Variants in RELN observed in about 807,000 individuals in gnomAD.
The protein encoded by RELN is reelin.
In RELN, 108 loss-of-function variants were observed where a neutral mutation model predicts 427.6. The ratio of observed to expected loss-of-function variants is 0.25; its 90% CI spans 0.22 to 0.30. The LOEUF (loss-of-function observed/expected upper bound fraction) is 0.30, where lower values mean the gene tolerates loss of function less well. Ranked by LOEUF, RELN falls within the 10% of genes least tolerant of loss-of-function variation. RELN has a pLI of 1.00. For synonymous variants in RELN, 1,524 were observed against 1,513.4 expected (o/e 1.01, Z -0.16); for missense variants, 3,715 against 4,302.8 (o/e 0.86, Z 3.82).
chr7:103,489,848 G>T lies in RELN; in HGVS notation c.9657C>A (p.Ser3219Arg), dbSNP rs1828587974. The T allele has an allele frequency of 6.2e-7, 1 of 1,614,068 alleles. No individual in the cohort carries two copies. The highest frequency in any genetic ancestry group is 1.3e-5 in the African/African-American group (1 of 74,932). Residue 3219 changes from serine (S) to arginine (R), a missense_variant, in exon 60 of 65, where the codon AGC becomes AGA. This residue lies in a region of RELN where 1,310 missense variants were observed against 1,643.0 expected (regional missense o/e 0.80). Transcript: ENST00000428762. ...IQKGEETEKQ[S>R]WAIDHVYIGE... ...CAATGTACACGTGGTCAATTGCCCAGCTTTGCTTCTCAGTTTCTTCTCCCT... is the reference window on the plus strand; with the variant it reads ...CAATGTACACGTGGTCAATTGCCCATCTTTGCTTCTCAGTTTCTTCTCCCT...
chr7:103,841,378 A>G (rs1231249374), intron 2 of RELN, among the ~76,000 whole-genome samples: 1 of 152,200 alleles, frequency 6.6e-6, no homozygotes, highest in Non-Finnish European at 1.5e-5. Flanking sequence ...GACAACAAAT[A>G]TCAAATATTT....
chr7:103,915,292 C>A (rs1795459681), intron 2 of RELN, among the ~76,000 whole-genome samples: 1 of 152,140 alleles, frequency 6.6e-6, no homozygotes, highest in South Asian at 2.1e-4. Flanking sequence ...ACACTTTACT[C>A]AAGACTGGAT....
intron 28 of RELN, among the ~76,000 whole-genome samples, chr7:103,585,531 T>C (rs1435801584): frequency 6.6e-6 from 1 of 152,012 alleles, no homozygotes; most frequent in Non-Finnish European, 1.5e-5. Flanking sequence ...AACATGCCAA[T>C]AATAAGTAAT....
chr7:103,894,928 C>A (rs186182120), intron 2 of RELN, among the ~76,000 whole-genome samples: 1 of 152,126 alleles, frequency 6.6e-6, no homozygotes, highest in African/African-American at 2.4e-5. Context: ...CAAAATCATA[C>A]ACTTACCCTG....
intron 46 of RELN, among the ~76,000 whole-genome samples, chr7:103,532,072 A>G (rs1383667021): frequency 6.6e-6 from 1 of 152,244 alleles, no homozygotes; most frequent in Non-Finnish European, 1.5e-5. Flanking sequence ...TGGATAAAGA[A>G]AATGTGGTAC....
intron 1 of RELN, among the ~76,000 whole-genome samples, chr7:103,964,975 T>G (rs1218190757): frequency 4.6e-5 from 7 of 152,220 alleles, no homozygotes; most frequent in Admixed American, 3.9e-4. Flanking sequence ...ATAAGGATAA[T>G]AATGCTACCT....
intron 20 of RELN, among the ~76,000 whole-genome samples, chr7:103,615,376 C>T (rs191410928): frequency 2.0e-5 from 3 of 152,294 alleles, no homozygotes; most frequent in Admixed American, 2.0e-4. Flanking sequence ...TTGCCTCGCC[C>T]TCCTTTCTTA....
At chr7:103,653,812 GC>G (rs1243103225) in intron 13 of RELN, among the ~76,000 whole-genome samples, 1 of 152,012 alleles carries the variant, frequency 6.6e-6, no homozygotes, top group Non-Finnish European at 1.5e-5. Context: ...TACATTTAGG[GC>G]TTTCTTGGGG....
chr7:103,967,585 C>T (rs1434685773), intron 1 of RELN, among the ~76,000 whole-genome samples: 1 of 152,150 alleles, frequency 6.6e-6, no homozygotes, highest in Admixed American at 6.5e-5. Context: ...TCAGTGGCTC[C>T]CTGCTGCCCA....
intron 2 of RELN, among the ~76,000 whole-genome samples, chr7:103,867,255 C>A (rs1297032730): frequency 6.6e-6 from 1 of 151,906 alleles, no homozygotes; most frequent in Admixed American, 6.6e-5. Context: ...AACCGTGAAA[C>A]AGTACCTTCA....
At chr7:103,975,998 T>C (rs535840195) in intron 1 of RELN, among the ~76,000 whole-genome samples, 1 of 152,050 alleles carries the variant, frequency 6.6e-6, no homozygotes, top group African/African-American at 2.4e-5. Context: ...AGTCCTGAGG[T>C]GGATCTGAGC....
At chr7:103,522,288 T>C (rs1168778687) in intron 47 of RELN, 89 bp from the exon 48 acceptor site, 1 of 1,273,806 alleles carries the variant, frequency 7.9e-7, no homozygotes, top group African/African-American at 1.5e-5. Flanking sequence ...ACTCTTTTCC[T>C]AGTCCAAGAT....
intron 2 of RELN, among the ~76,000 whole-genome samples, chr7:103,865,751 A>C (rs1251487696): frequency 6.6e-6 from 1 of 152,192 alleles, no homozygotes; most frequent in Non-Finnish European, 1.5e-5. Flanking sequence ...ATTTACCTCA[A>C]TACAATAAAG....
intron 3 of RELN, among the ~76,000 whole-genome samples, chr7:103,807,770 T>C (rs1020492559): frequency 2.6e-5 from 4 of 152,172 alleles, no homozygotes; most frequent in Admixed American, 2.6e-4. Context: ...GCTGCACCCA[T>C]GTTGCTGCAA....
At chr7:103,726,801 GGT>G (rs1491582733) in intron 7 of RELN, among the ~76,000 whole-genome samples, 4 of 151,958 alleles carry the variant, frequency 2.6e-5, no homozygotes, top group African/African-American at 9.7e-5. Context: ...ATTCTGTCAT[GGT>G]ATATTATTTA....
At chr7:103,828,259 G>C (rs1195961142) in intron 3 of RELN, among the ~76,000 whole-genome samples, 3 of 151,956 alleles carry the variant, frequency 2.0e-5, no homozygotes, top group African/African-American at 4.8e-5. Flanking sequence ...TTTGAGCCTG[G>C]CAGGTGTTCA....
chr7:103,696,722 T>C (rs1182204271), intron 10 of RELN, among the ~76,000 whole-genome samples: 2 of 152,104 alleles, frequency 1.3e-5, no homozygotes, highest in African/African-American at 2.4e-5. Flanking sequence ...TGATCTCCCA[T>C]TGAACTACTA....
intron 2 of RELN, among the ~76,000 whole-genome samples, chr7:103,901,159 A>G (rs1366915626): frequency 1.3e-5 from 2 of 152,056 alleles, no homozygotes; most frequent in Admixed American, 6.6e-5. Context: ...AAATATACTC[A>G]GTGTCATTAA....
intron 1 of RELN, among the ~76,000 whole-genome samples, chr7:103,970,133 T>A (rs920686248): frequency 6.6e-6 from 1 of 151,716 alleles, no homozygotes; most frequent in Non-Finnish European, 1.5e-5. Flanking sequence ...ATTTTTTTTC[T>A]TTTCTTTTTT....
Sources: gnomAD v4.1 joint callset for allele counts (sites outside exome capture counted in the v4.1 genomes callset) on GRCh38, gnomAD v4.1.1 for gene constraint, gnomAD v4.1.1 regional missense constraint, MANE v1.5 for transcripts, NCBI Gene and HGNC (gene_info 2026-07-23, HGNC 2026-07-21) for gene names.